NEGR1: variants seen among roughly 807,000 people sequenced by gnomAD.
The protein encoded by NEGR1 is neuronal growth regulator 1.
Under a neutral mutation model 40.9 loss-of-function variants are expected in NEGR1, and 10 were observed. The ratio of observed to expected loss-of-function variants is 0.24; its 90% CI spans 0.15 to 0.42. The LOEUF (loss-of-function observed/expected upper bound fraction) is 0.42, where lower values mean the gene tolerates loss of function less well. Among genes scored for constraint, NEGR1 ranks in the 10% least tolerant of loss-of-function variants. NEGR1 has a pLI of 1.00. For synonymous variants in NEGR1, 185 were observed against 166.8 expected (o/e 1.11, Z -0.84); for missense variants, 352 against 438.9 (o/e 0.80, Z 1.77).
chr1:71,658,169 G>T (rs1287941952), intron 4 of NEGR1, among the ~76,000 whole-genome samples: 1 of 152,184 alleles, frequency 6.6e-6, no homozygotes, highest in Non-Finnish European at 1.5e-5. Flanking sequence ...ATATTAGAGA[G>T]TGAGCTCCTT....
chr1:71,696,396 A>C (rs1172435308), intron 4 of NEGR1, among the ~76,000 whole-genome samples: 1 of 151,786 alleles, frequency 6.6e-6, no homozygotes, highest in African/African-American at 2.4e-5. Flanking sequence ...CATCCCTATC[A>C]GAGACATCGT....
At chr1:72,055,122 T>G (rs566989486) in intron 1 of NEGR1, among the ~76,000 whole-genome samples, 113 of 151,346 alleles carry the variant, frequency 7.5e-4, no homozygotes, top group African/African-American at 2.6e-3. Context: ...ATAATAAAGT[T>G]TTTATGTATT....
At chr1:71,748,775 TGGCATGAAAA>T (rs1655470313) in intron 3 of NEGR1, among the ~76,000 whole-genome samples, 4 of 152,116 alleles carry the variant, frequency 2.6e-5, no homozygotes, top group African/African-American at 9.6e-5. Context: ...AATTTCACTT[TGGCATGAAAA>T]AATGGACAGT....
At chr1:71,548,758 T>C (rs1647982658) in intron 6 of NEGR1, among the ~76,000 whole-genome samples, 1 of 151,694 alleles carries the variant, frequency 6.6e-6, no homozygotes, top group African/African-American at 2.4e-5. Context: ...AAGGCGGCTT[T>C]AAGAGCCCTG....
At chr1:71,883,718 CT>C (rs1303039604) in intron 2 of NEGR1, among the ~76,000 whole-genome samples, 1 of 119,180 alleles carries the variant, frequency 8.4e-6, no homozygotes, top group African/African-American at 3.1e-5. Context: ...AAGGCTATCC[CT>C]CCCCCCTCCC....
intron 1 of NEGR1, among the ~76,000 whole-genome samples, chr1:72,121,213 C>A (rs571570667): frequency 6.6e-6 from 1 of 151,978 alleles, no homozygotes; most frequent in Non-Finnish European, 1.5e-5. Flanking sequence ...AAGCCAAAGT[C>A]AATCTTTTTG....
At chr1:71,536,639 G>T (rs1381178745) in intron 6 of NEGR1, among the ~76,000 whole-genome samples, 1 of 151,648 alleles carries the variant, frequency 6.6e-6, no homozygotes, top group East Asian at 2.0e-4. Flanking sequence ...AGTCATACTG[G>T]TTGCTAGAAG....
chr1:72,274,480 T>TA lies in NEGR1; in HGVS notation c.176+7838dup, dbSNP rs560964494. On this transcript the variant is annotated intron_variant, in intron 1 of 6. Coordinates refer to ENST00000357731, the MANE Select transcript of NEGR1 (RefSeq NM_173808.3). ...CTCTTGAGCAGCAGAAGCACATAGC[T>TA]ACACTGATTAAAAGATAAACTGTCT... The TA allele has an allele frequency of 3.6e-3, 2,184 of 610,584 alleles. 14 individuals carry two copies. The highest frequency in any genetic ancestry group is 2.6e-3 in the Non-Finnish European group (850 of 331,752). The allele number at this position is 610,584 out of a possible 1,614,324, so 37.8% of individuals were successfully genotyped here. A position where few individuals can be genotyped will look rare whatever the true frequency, so the allele number is the denominator to read the frequency against.
intron 6 of NEGR1, among the ~76,000 whole-genome samples, chr1:71,417,649 G>A (rs1278815480): frequency 6.6e-6 from 1 of 152,046 alleles, no homozygotes; most frequent in African/African-American, 2.4e-5. Context: ...TCAAGCATAC[G>A]AGGTATTAGC....
intron 6 of NEGR1, among the ~76,000 whole-genome samples, chr1:71,520,388 T>A (rs150601542): frequency 2.6e-4 from 40 of 152,158 alleles, no homozygotes; most frequent in Admixed American, 2.6e-3. Flanking sequence ...TCAGATGTAG[T>A]CTCAAGAATC....
chr1:71,930,154 AT>A (rs376411860), intron 2 of NEGR1, among the ~76,000 whole-genome samples: 3,323 of 150,508 alleles, frequency 0.022, 115 homozygotes, highest in African/African-American at 0.073. Flanking sequence ...TTATTTTTAA[AT>A]TTTTTTTTTA....
intron 6 of NEGR1, among the ~76,000 whole-genome samples, chr1:71,498,117 T>A (rs1053186205): frequency 6.6e-6 from 1 of 150,748 alleles, no homozygotes; most frequent in Non-Finnish European, 1.5e-5. Flanking sequence ...AACAAGAAAA[T>A]ATGAACTCAT....
At chr1:72,129,535 T>A (rs1452856181) in intron 1 of NEGR1, among the ~76,000 whole-genome samples, 1 of 151,540 alleles carries the variant, frequency 6.6e-6, no homozygotes, top group East Asian at 1.9e-4. Context: ...AAGAAAAGAG[T>A]TTTTGGGCGA....
intron 1 of NEGR1, among the ~76,000 whole-genome samples, chr1:72,029,774 G>C (rs1004812607): frequency 1.3e-5 from 2 of 152,078 alleles, no homozygotes; most frequent in African/African-American, 4.8e-5. Context: ...ACAACCTGCA[G>C]AAAATCATGT....
intron 1 of NEGR1, among the ~76,000 whole-genome samples, chr1:71,948,776 G>A (rs1261281163): frequency 6.6e-6 from 1 of 151,890 alleles, no homozygotes; most frequent in East Asian, 1.9e-4. Flanking sequence ...TCAGAAATGC[G>A]AGTACCTCTA....
chr1:72,152,513 C>T (rs1651162774), intron 1 of NEGR1, among the ~76,000 whole-genome samples: 1 of 151,922 alleles, frequency 6.6e-6, no homozygotes, highest in African/African-American at 2.4e-5. Flanking sequence ...AAAAGGAATG[C>T]TTATAGACTG....
chr1:71,576,249 T>C (rs1371238831), intron 6 of NEGR1, among the ~76,000 whole-genome samples: 4 of 152,222 alleles, frequency 2.6e-5, no homozygotes, highest in East Asian at 3.9e-4. Flanking sequence ...ATGGCTGCTG[T>C]TTTGGGTTTT....
chr1:71,861,690 G>C (rs1465921975), intron 2 of NEGR1, among the ~76,000 whole-genome samples: 1 of 152,050 alleles, frequency 6.6e-6, no homozygotes, highest in Non-Finnish European at 1.5e-5. Context: ...AGCATAAAAT[G>C]AAATTAATTT....
At chr1:71,670,329 A>C (rs1652378784) in intron 4 of NEGR1, among the ~76,000 whole-genome samples, 1 of 151,812 alleles carries the variant, frequency 6.6e-6, no homozygotes. Flanking sequence ...TCTTTTGAAG[A>C]TATTGTGTGT....
Sources: gnomAD v4.1 joint callset for allele counts (sites outside exome capture counted in the v4.1 genomes callset) on GRCh38, gnomAD v4.1.1 for gene constraint, MANE v1.5 for transcripts, NCBI Gene and HGNC (gene_info 2026-07-23, HGNC 2026-07-21) for gene names.